Variants in ANK1 observed in about 807,000 individuals in gnomAD.
The protein encoded by ANK1 is ankyrin-1.
Under a neutral mutation model 210.4 loss-of-function variants are expected in ANK1, and 51 were observed. That is an observed-to-expected ratio of 0.24 (90% CI 0.19 to 0.31). The LOEUF is 0.31. Ranked by LOEUF, ANK1 falls within the 10% of genes least tolerant of loss-of-function variation. The probability of loss-of-function intolerance (pLI) is 1.00; values close to 1 mark genes in which losing one functional copy is unlikely to be tolerated. For missense variants in ANK1, 2,051 were observed against 2,504.4 expected (o/e 0.82, Z 3.86); for synonymous variants, 967 against 1,025.9 (o/e 0.94, Z 1.10).
At chr8:41,827,882 GCTCACGCCCACACATGCACA>G (rs1221676521) in intron 1 of ANK1, among the ~76,000 whole-genome samples, 1 of 149,114 alleles carries the variant, frequency 6.7e-6, no homozygotes, top group African/African-American at 2.5e-5. Flanking sequence ...CCACACACAT[GCTCACGCCCACACATGCACA>G]CTCACGTGCA....
intron 1 of ANK1, among the ~76,000 whole-genome samples, chr8:41,893,383 A>G (rs1819809176): frequency 6.6e-6 from 1 of 152,190 alleles, no homozygotes; most frequent in Admixed American, 6.5e-5. Flanking sequence ...ATGAAGCCCC[A>G]TGAGAAGCAG....
intron 6 of ANK1, 84 bp from the exon 7 acceptor site, chr8:41,724,638 G>T: frequency 7.8e-7 from 1 of 1,288,382 alleles, no homozygotes; most frequent in Non-Finnish European, 1.1e-6. Flanking sequence ...GGAAACTCAG[G>T]TGGGGCAACA....
chr8:41,757,987 G>A, intron 2 of ANK1, 49 bp downstream of exon 2: 1 of 1,518,800 alleles, frequency 6.6e-7, no homozygotes. Flanking sequence ...AATGGCATCA[G>A]GCAAGAGCTA....
At chr8:41,668,213 C>A in intron 39 of ANK1, 54 bp downstream of exon 39, 1 of 1,611,754 alleles carries the variant, frequency 6.2e-7, no homozygotes, top group African/African-American at 1.3e-5. Flanking sequence ...GGAGTCCCGG[C>A]CCCTTCCGAT....
At chr8:41,874,529 A>G (rs1236292535) in intron 1 of ANK1, among the ~76,000 whole-genome samples, 6 of 152,194 alleles carry the variant, frequency 3.9e-5, no homozygotes, top group Non-Finnish European at 8.8e-5. Flanking sequence ...ATGACAGGTA[A>G]GCATCCACTT....
chr8:41,666,870 G>C (rs1462055428), intron 39 of ANK1, among the ~76,000 whole-genome samples: 1 of 152,216 alleles, frequency 6.6e-6, no homozygotes, highest in African/African-American at 2.4e-5. Context: ...TTGGTCCACT[G>C]TGTGACCCTG....
intron 1 of ANK1, among the ~76,000 whole-genome samples, chr8:41,867,870 T>C (rs550398300): frequency 6.6e-6 from 1 of 152,224 alleles, no homozygotes; most frequent in African/African-American, 2.4e-5. Context: ...TGTTTGTTTG[T>C]TTGTTTTGAG....
In ANK1 at chr8:41,871,426, G is replaced by A. The variant is rs112152625; in HGVS notation, c.126+24929C>T. The stretch of plus-strand genomic sequence containing the variant: ...GGGTTCAAGCCATCCTCCCATCTCA[G>A]CCTTCCAAAGTGCCAGGATTGCAGA... On this transcript the variant is annotated intron_variant, in intron 1 of 42. Coordinates refer to the ANK1 transcript ENST00000265709. Among the ~76,000 whole-genome samples the A allele has an allele frequency of 4.7e-3, 716 of 152,272 alleles. 2 individuals carry two copies. The highest frequency in any genetic ancestry group is 7.1e-3 in the Non-Finnish European group (484 of 68,024).
chr8:41,683,680 T>C (rs1311513834), intron 37 of ANK1, among the ~76,000 whole-genome samples: 1 of 152,168 alleles, frequency 6.6e-6, no homozygotes, highest in Non-Finnish European at 1.5e-5. Flanking sequence ...TTGCTGATTT[T>C]ACAGAAGGGG....
In ANK1 at chr8:41,792,510, A is replaced by G. The variant is rs567659203; in HGVS notation, c.27+5002T>C. 1.6e-4 allele frequency among the ~76,000 whole-genome samples: 24 copies of G among 152,340 alleles called. No individual in the cohort carries two copies. In the Middle Eastern group the frequency reaches 0.017, roughly 108 times the overall value. ...TGGGTTTCCAATTAATTCACTTAAC[A>G]AATCTATTTTTCAGCCCCAGGTTCA... On this transcript the variant is annotated intron_variant, in intron 1 of 42. Coordinates refer to ENST00000289734, the MANE Select transcript of ANK1 (RefSeq NM_000037.4).
chr8:41,834,924 G>A lies in ANK1; in HGVS notation c.126+61431C>T, dbSNP rs188423643. Among the ~76,000 whole-genome samples, 266 of 152,318 alleles carry A rather than the reference G, an allele frequency of 1.7e-3. 2 individuals carry two copies. Among genetic ancestry groups the A allele is most frequent in the African/African-American group, 6.0e-3 (250 of 41,580 alleles). ...CCTCTTGCCATTACACACTCAGTGC[G>A]GGGATCATCCCCGCTGCCCGGGAGA... On this transcript the variant is annotated intron_variant, in intron 1 of 42. Transcript: ENST00000265709.
chr8:41,845,388 CA>C (rs199999874), intron 1 of ANK1, among the ~76,000 whole-genome samples: 27,457 of 130,430 alleles, frequency 0.21, 4,060 homozygotes, highest in African/African-American at 0.45. Context: ...GACTCCATCC[CA>C]AAAAAAAAAA....
intron 40 of ANK1, among the ~76,000 whole-genome samples, chr8:41,662,345 G>A (rs1457734778): frequency 2.6e-5 from 4 of 152,134 alleles, no homozygotes; most frequent in African/African-American, 9.7e-5. Context: ...GGGGGAGGTA[G>A]CTTTTGTCCT....
At chr8:41,781,273 C>A (rs1336899785) in intron 1 of ANK1, among the ~76,000 whole-genome samples, 1 of 152,232 alleles carries the variant, frequency 6.6e-6, no homozygotes, top group Non-Finnish European at 1.5e-5. Flanking sequence ...TGGCCCTCTG[C>A]AGTTTCTCTA....
chr8:41,754,851 AC>A (rs1411699477), intron 2 of ANK1, among the ~76,000 whole-genome samples: 1 of 151,596 alleles, frequency 6.6e-6, no homozygotes, highest in Non-Finnish European at 1.5e-5. Flanking sequence ...GGTTCAGGGA[AC>A]CCTGACCAGC....
chr8:41,720,325 A>T (rs1430827234), intron 9 of ANK1, among the ~76,000 whole-genome samples: 1 of 152,186 alleles, frequency 6.6e-6, no homozygotes, highest in Non-Finnish European at 1.5e-5. Context: ...TCCCTAAATT[A>T]TGTGATTTTG....
At chr8:41,888,549 A>C (rs982456546) in intron 1 of ANK1, among the ~76,000 whole-genome samples, 1 of 152,258 alleles carries the variant, frequency 6.6e-6, no homozygotes, top group African/African-American at 2.4e-5. Context: ...AGGCCTGGGA[A>C]GCATCCACAT....
rs1048696617 is a variant in ANK1 at position 41,743,803 on chromosome 8, A to C, written c.130-9734T>G. On this transcript the variant is annotated intron_variant, in intron 2 of 42. Coordinates refer to ENST00000289734, the MANE Select transcript of ANK1 (RefSeq NM_000037.4). Reference sequence around the variant, plus strand: ...CAGAAATATTGGTGTGATCTCATTGATTCTTCATATATATATATATACATA... The same window carrying C: ...CAGAAATATTGGTGTGATCTCATTGCTTCTTCATATATATATATATACATA... 7.6e-5 allele frequency among the ~76,000 whole-genome samples: 11 copies of C among 144,170 alleles called. No homozygotes were observed. In the South Asian group the frequency reaches 1.6e-3, roughly 21 times the overall value. The allele number at this position is 144,170 out of a possible 152,430, so 94.6% of individuals were successfully genotyped here. A position where few individuals can be genotyped will look rare whatever the true frequency, so the allele number is the denominator to read the frequency against.
chr8:41,895,223 C>A (rs1333845311), intron 1 of ANK1, among the ~76,000 whole-genome samples: 3 of 152,216 alleles, frequency 2.0e-5, no homozygotes, highest in Non-Finnish European at 4.4e-5. Context: ...TCAACCAAGG[C>A]CAGAGCCTCT....
Sources: allele counts gnomAD v4.1 joint callset (sites outside exome capture counted in the v4.1 genomes callset), GRCh38; gene constraint gnomAD v4.1.1; transcripts MANE v1.5; gene names NCBI Gene and HGNC (gene_info 2026-07-23, HGNC 2026-07-21).